HLCS: variants seen among roughly 807,000 people sequenced by gnomAD.
HLCS encodes biotin--protein ligase.
Under a neutral mutation model 75.0 loss-of-function variants are expected in HLCS, and 53 were observed. The ratio of observed to expected loss-of-function variants is 0.71; its 90% CI spans 0.57 to 0.89. HLCS has a LOEUF of 0.89. Among genes scored for constraint, HLCS ranks in the 40% least tolerant of loss-of-function variants. The pLI, the probability that HLCS is intolerant of heterozygous loss-of-function variation, is 0.00. For missense variants in HLCS, 966 were observed against 1,074.0 expected (o/e 0.90, Z 1.41); for synonymous variants, 431 against 428.6 (o/e 1.01, Z -0.07).
chr21:36,982,161 T>C (rs971318515), intron 1 of HLCS, among the ~76,000 whole-genome samples: 1 of 151,922 alleles, frequency 6.6e-6, no homozygotes, highest in African/African-American at 2.4e-5. Flanking sequence ...GATTCACACA[T>C]ACAATTTCGC....
chr21:36,938,368 A>C (rs1224793696), intron 3 of HLCS, among the ~76,000 whole-genome samples: 1 of 152,202 alleles, frequency 6.6e-6, no homozygotes, highest in Non-Finnish European at 1.5e-5. Context: ...CCCCCAAAAA[A>C]ATCTTGACAC....
intron 4 of HLCS, among the ~76,000 whole-genome samples, chr21:36,934,873 A>G (rs2066808138): frequency 6.6e-6 from 1 of 152,250 alleles, no homozygotes; most frequent in Non-Finnish European, 1.5e-5. Flanking sequence ...TGACCCTGTC[A>G]CACAGAAGAC....
At chr21:36,770,271 C>T (rs1055841372) in intron 6 of HLCS, among the ~76,000 whole-genome samples, 4 of 151,768 alleles carry the variant, frequency 2.6e-5, no homozygotes, top group Non-Finnish European at 2.9e-5. Flanking sequence ...CTCAGCCTCC[C>T]GAATAGCTGG....
rs2089339533 is a variant in HLCS at position 36,750,725 on chromosome 21, G to GAATCA, written c.*3516_*3520dup. On this transcript the variant is annotated 3_prime_UTR_variant, in exon 11 of 11. Transcript: ENST00000674895. Reference sequence around the variant, plus strand: ...AATTACAGTAGCTTGGAATTTTAGTGAATCATGGCCCTTGTGTTATCTAGA... The same window carrying GAATCA: ...AATTACAGTAGCTTGGAATTTTAGTGAATCAAATCATGGCCCTTGTGTTATCTAGA... Among the ~76,000 whole-genome samples, 1 of 151,002 alleles carries GAATCA rather than the reference G, an allele frequency of 6.6e-6. No individual in the cohort carries two copies. The highest frequency in any genetic ancestry group is 2.4e-5 in the African/African-American group (1 of 40,934).
chr21:36,989,580 C>T (rs1314158758), intron 1 of HLCS, among the ~76,000 whole-genome samples: 1 of 152,138 alleles, frequency 6.6e-6, no homozygotes, highest in East Asian at 1.9e-4. Context: ...CTGCCTGCCT[C>T]GGCCTCGCGA....
intron 5 of HLCS, among the ~76,000 whole-genome samples, chr21:36,918,314 T>C (rs909248380): frequency 2.0e-5 from 3 of 152,222 alleles, no homozygotes; most frequent in African/African-American, 7.2e-5. Context: ...AGGCCTGATT[T>C]CTAGTGCCAC....
intron 5 of HLCS, among the ~76,000 whole-genome samples, chr21:36,898,303 A>T (rs761718214): frequency 6.6e-6 from 1 of 151,940 alleles, no homozygotes; most frequent in Non-Finnish European, 1.5e-5. Context: ...AAAACTTGCC[A>T]GGCATGGTGG....
intron 6 of HLCS, among the ~76,000 whole-genome samples, chr21:36,799,600 T>A (rs2061134634): frequency 6.6e-6 from 1 of 152,196 alleles, no homozygotes; most frequent in South Asian, 2.1e-4. Context: ...TAAGGGACAC[T>A]CTGTAGGACA....
chr21:36,925,005 G>A lies in HLCS; in HGVS notation c.1620+5246C>T, dbSNP rs189064221. 1.5e-3 allele frequency among the ~76,000 whole-genome samples: 230 copies of A among 152,178 alleles called. 2 individuals carry two copies. Among genetic ancestry groups the A allele is most frequent in the African/African-American group, 5.3e-3 (219 of 41,504 alleles). ...AAAAAAGTAACATAAAGGACTTCCC[G>A]GAGTAGAAGGGCCTGTACCCGTTTT... On this transcript the variant is annotated intron_variant, in intron 5 of 10. Coordinates refer to ENST00000674895, the MANE Select transcript of HLCS (RefSeq NM_001352514.2).
chr21:36,815,113 GC>G (rs1410118318), intron 6 of HLCS, among the ~76,000 whole-genome samples: 3 of 148,320 alleles, frequency 2.0e-5, no homozygotes, highest in African/African-American at 5.0e-5. Context: ...TGCAACCTCC[GC>G]CTCCTGGGTT....
chr21:36,879,614 C>T (rs903176562), intron 6 of HLCS, among the ~76,000 whole-genome samples: 1 of 152,068 alleles, frequency 6.6e-6, no homozygotes, highest in African/African-American at 2.4e-5. Context: ...TCCAAGGTGA[C>T]TGGAAGGGGA....
intron 6 of HLCS, among the ~76,000 whole-genome samples, chr21:36,835,137 C>T (rs549719280): frequency 6.6e-6 from 1 of 152,296 alleles, no homozygotes; most frequent in African/African-American, 2.4e-5. Flanking sequence ...CAGGCAACTG[C>T]TTCTAAGATT....
chr21:36,793,235 A>G (rs1377912748), intron 6 of HLCS, among the ~76,000 whole-genome samples: 1 of 151,012 alleles, frequency 6.6e-6, no homozygotes, highest in African/African-American at 2.4e-5. Context: ...GAGTTCTAAG[A>G]TCATCCACAG....
In HLCS at chr21:36,765,191, T is replaced by C. The variant is rs758070026; in HGVS notation, c.1961-19A>G. On this transcript the variant is annotated intron_variant, in intron 7 of 10. Coordinates refer to ENST00000674895, the MANE Select transcript of HLCS (RefSeq NM_001352514.2). ...CCCCGTCCTGGAACACAGGCCACAGTGGGAAACATGCTACCTTGCCACGTG... is the reference window on the plus strand; with the variant it reads ...CCCCGTCCTGGAACACAGGCCACAGCGGGAAACATGCTACCTTGCCACGTG... The C allele has an allele frequency of 1.9e-6, 3 of 1,613,900 alleles. No homozygotes were observed. The East Asian group carries it at 6.7e-5, about 36-fold the overall frequency.
chr21:36,961,499 C>A (rs1372652030), intron 2 of HLCS, among the ~76,000 whole-genome samples: 1 of 152,058 alleles, frequency 6.6e-6, no homozygotes, highest in Non-Finnish European at 1.5e-5. Flanking sequence ...GCCTAGGTGA[C>A]ACAATAAGAC....
chr21:36,837,389 A>AACT (rs1162605262), intron 6 of HLCS, among the ~76,000 whole-genome samples: 1 of 152,224 alleles, frequency 6.6e-6, no homozygotes, highest in Non-Finnish European at 1.5e-5. Context: ...CGAAATCCCC[A>AACT]ACTACACATC....
intron 7 of HLCS, among the ~76,000 whole-genome samples, chr21:36,766,780 A>G (rs1054310450): frequency 2.0e-5 from 3 of 152,138 alleles, no homozygotes; most frequent in African/African-American, 7.2e-5. Context: ...TGCAGAGCCC[A>G]CCATGTACAT....
intron 6 of HLCS, among the ~76,000 whole-genome samples, chr21:36,835,180 T>C (rs2146070261): frequency 6.6e-6 from 1 of 152,284 alleles, no homozygotes; most frequent in Non-Finnish European, 1.5e-5. Context: ...GACGTCTGAT[T>C]CAGATGATCA....
chr21:36,962,157 A>C lies in HLCS; in HGVS notation c.209T>G (p.Leu70Trp). 1 of 1,288,900 alleles carries C rather than the reference A, an allele frequency of 7.8e-7. No individual in the cohort carries two copies. The highest frequency in any genetic ancestry group is 1.0e-6 in the Non-Finnish European group (1 of 988,090). 79.8% of individuals were successfully genotyped at this position (1,288,900 alleles called of 1,614,324 possible). A position where few individuals can be genotyped will look rare whatever the true frequency, so the allele number is the denominator to read the frequency against. ...CACAAGAAATAGGGCCCACTTGTTC[A>C]AGTCTTCAATGGACTGTATAGAGGG... ...CVSDSQSIEDLNKWALFLVSP... is the reference protein window; with the variant it reads ...CVSDSQSIEDWNKWALFLVSP... Residue 70 changes from leucine to tryptophan, a missense_variant, in exon 2 of 11, where the codon TTG becomes TGG. Physicochemically the swap from Leu to Trp is moderately conservative, Grantham distance 61. Transcript: ENST00000674895.
Sources: gnomAD v4.1 joint callset for allele counts (sites outside exome capture counted in the v4.1 genomes callset) on GRCh38, gnomAD v4.1.1 for gene constraint, MANE v1.5 for transcripts, NCBI Gene and HGNC (gene_info 2026-07-23, HGNC 2026-07-21) for gene names.